The following DSCAM variants were observed in gnomAD, a reference collection of about 807,000 sequenced individuals.
DSCAM encodes the protein DS cell adhesion molecule.
A neutral mutation model predicts 217.7 loss-of-function variants in DSCAM; 47 were observed. That is an observed-to-expected ratio of 0.22 (90% CI 0.17 to 0.28). The LOEUF (loss-of-function observed/expected upper bound fraction) is 0.28. Ranked by LOEUF, DSCAM falls within the 10% of genes least tolerant of loss-of-function variation. The pLI, the probability that DSCAM is intolerant of heterozygous loss-of-function variation, is 1.00. For missense variants in DSCAM, 2,080 were observed against 2,618.3 expected (o/e 0.79, Z 4.49); for synonymous variants, 1,056 against 1,015.3 (o/e 1.04, Z -0.76).
chr21:40,421,487 G>T (rs1020764851), intron 3 of DSCAM, among the ~76,000 whole-genome samples: 2 of 152,218 alleles, frequency 1.3e-5, no homozygotes, highest in African/African-American at 4.8e-5. Flanking sequence ...TGTGCTTGTG[G>T]GATTGGTGTG....
intron 3 of DSCAM, among the ~76,000 whole-genome samples, chr21:40,641,055 CTG>C (rs2089872000): frequency 6.6e-6 from 1 of 152,208 alleles, no homozygotes; most frequent in Non-Finnish European, 1.5e-5. Flanking sequence ...TAAAAAGAAA[CTG>C]TCTTCATGTA....
intron 3 of DSCAM, among the ~76,000 whole-genome samples, chr21:40,554,774 G>A (rs2076657959): frequency 2.0e-5 from 3 of 152,096 alleles, no homozygotes; most frequent in South Asian, 4.1e-4. Context: ...ACCTTCTGGA[G>A]GATACTAAGT....
chr21:40,297,097 G>A (rs1193415609), intron 9 of DSCAM, among the ~76,000 whole-genome samples: 1 of 152,082 alleles, frequency 6.6e-6, no homozygotes, highest in Admixed American at 6.6e-5. Flanking sequence ...GCCAAAGGGG[G>A]ACTGTGGAGA....
intron 3 of DSCAM, among the ~76,000 whole-genome samples, chr21:40,424,589 G>A (rs539050087): frequency 3.3e-5 from 5 of 152,306 alleles, no homozygotes; most frequent in Non-Finnish European, 5.9e-5. Context: ...AACTGTGAGA[G>A]AATCAGCTTC....
intron 1 of DSCAM, among the ~76,000 whole-genome samples, chr21:40,819,900 G>C (rs1416566742): frequency 6.6e-6 from 1 of 152,158 alleles, no homozygotes; most frequent in Non-Finnish European, 1.5e-5. Context: ...TCTAACTGTT[G>C]ATGGTTCTAG....
intron 32 of DSCAM, among the ~76,000 whole-genome samples, chr21:40,025,316 A>AT (rs1239728397): frequency 7.1e-6 from 1 of 141,710 alleles, no homozygotes; most frequent in Non-Finnish European, 1.5e-5. Flanking sequence ...CATCAAGGAT[A>AT]TTGGTCTAAA....
At chr21:40,606,311 G>A (rs1444293797) in intron 3 of DSCAM, among the ~76,000 whole-genome samples, 1 of 152,138 alleles carries the variant, frequency 6.6e-6, no homozygotes, top group African/African-American at 2.4e-5. Flanking sequence ...CTGGAGTGAA[G>A]AGCACCAAAG....
chr21:40,387,892 CATAA>C (rs926738944), intron 3 of DSCAM, among the ~76,000 whole-genome samples: 2 of 152,038 alleles, frequency 1.3e-5, no homozygotes, highest in South Asian at 2.1e-4. Flanking sequence ...TAACCCTTGA[CATAA>C]ATATTTATAT....
At chr21:40,657,663 G>A (rs999601997) in intron 3 of DSCAM, among the ~76,000 whole-genome samples, 2 of 152,106 alleles carry the variant, frequency 1.3e-5, no homozygotes, top group Non-Finnish European at 2.9e-5. Context: ...CTTCCACAAC[G>A]CGGCAATCTG....
rs1204362450 is a variant in DSCAM at position 40,635,819 on chromosome 21, A to C, written c.508+56991T>G. 2.6e-5 allele frequency among the ~76,000 whole-genome samples: 4 copies of C among 152,194 alleles called. No individual in the cohort carries two copies. In the South Asian group the frequency reaches 8.3e-4, roughly 31 times the overall value. On this transcript the variant is annotated intron_variant, in intron 3 of 32. Transcript: ENST00000400454. ...GAGCCTTTTTAGATAAAAATTTTGT[A>C]ATCGCTCAGAACTGCACTTCCAAGT... is the stretch of plus-strand genomic sequence containing the variant.
intron 11 of DSCAM, among the ~76,000 whole-genome samples, chr21:40,235,282 T>C (rs545027038): frequency 6.6e-6 from 1 of 152,330 alleles, no homozygotes; most frequent in African/African-American, 2.4e-5. Flanking sequence ...AACCGTATGG[T>C]CCAGAGTAAC....
intron 3 of DSCAM, among the ~76,000 whole-genome samples, chr21:40,487,304 CGT>C (rs57837494): frequency 0.053 from 7,457 of 141,492 alleles, 249 homozygotes; most frequent in Non-Finnish European, 0.068. Flanking sequence ...TGTGTGCGTG[CGT>C]GTGTGTGTGT....
intron 3 of DSCAM, among the ~76,000 whole-genome samples, chr21:40,599,985 G>T (rs1268471777): frequency 6.6e-6 from 1 of 152,110 alleles, no homozygotes; most frequent in African/African-American, 2.4e-5. Context: ...ACCAAAAAAA[G>T]CCCAGAATCA....
intron 11 of DSCAM, among the ~76,000 whole-genome samples, chr21:40,200,662 T>C (rs1013444128): frequency 7.9e-5 from 12 of 152,210 alleles, no homozygotes; most frequent in Admixed American, 2.6e-4. Flanking sequence ...CTTGAGTCTT[T>C]TTGCCTGTTT....
intron 6 of DSCAM, among the ~76,000 whole-genome samples, chr21:40,341,500 A>T (rs2076195812): frequency 6.6e-6 from 1 of 152,206 alleles, no homozygotes; most frequent in African/African-American, 2.4e-5. Flanking sequence ...TGTACAGCTT[A>T]GTTTTGCTAA....
intron 11 of DSCAM, among the ~76,000 whole-genome samples, chr21:40,207,829 C>A (rs7348991): frequency 1.3e-5 from 2 of 152,164 alleles, no homozygotes; most frequent in African/African-American, 2.4e-5. Flanking sequence ...GGCCTCTCTC[C>A]GTGGCTTGCA....
In DSCAM at chr21:40,712,746, ACT is replaced by A. The variant is rs1391318869; in HGVS notation, c.44-3977_44-3976del. Among the ~76,000 whole-genome samples, 3 of 151,774 alleles carry A rather than the reference ACT, an allele frequency of 2.0e-5. No homozygotes were observed. In the East Asian group the frequency reaches 5.8e-4, roughly 29 times the overall value. On this transcript the variant is annotated intron_variant, in intron 1 of 32. Coordinates refer to ENST00000400454, the MANE Select transcript of DSCAM (RefSeq NM_001389.5). ...GGAATTTCTATTTTACAAAATTACAACTCTTTTAAGTAGATTGGAATTACCTC... is the reference window on the plus strand; with the variant it reads ...GGAATTTCTATTTTACAAAATTACAACTTTTAAGTAGATTGGAATTACCTC...
chr21:40,300,894 A>T (rs1013592286), intron 9 of DSCAM, among the ~76,000 whole-genome samples: 2 of 152,220 alleles, frequency 1.3e-5, no homozygotes, highest in Non-Finnish European at 2.9e-5. Flanking sequence ...CAGAGACCAC[A>T]CTTCAAGAAC....
intron 1 of DSCAM, among the ~76,000 whole-genome samples, chr21:40,791,067 T>C (rs971826551): frequency 2.7e-5 from 4 of 150,810 alleles, no homozygotes; most frequent in African/African-American, 9.8e-5. Context: ...GCCTGTAATC[T>C]CAGCTACTCA....
Sources: allele counts gnomAD v4.1 joint callset (sites outside exome capture counted in the v4.1 genomes callset), GRCh38; gene constraint gnomAD v4.1.1; transcripts MANE v1.5; gene names NCBI Gene and HGNC (gene_info 2026-07-23, HGNC 2026-07-21).